The following EYS variants were observed in gnomAD, a reference collection of about 807,000 sequenced individuals.
The protein encoded by EYS is EGF-like photoreceptor maintenance factor.
A neutral mutation model predicts 282.1 loss-of-function variants in EYS; 250 were observed. The ratio of observed to expected loss-of-function variants is 0.89; its 90% CI spans 0.80 to 0.98. The LOEUF (loss-of-function observed/expected upper bound fraction) is 0.98. EYS is among the 50% of genes least tolerant of loss of function. The probability of loss-of-function intolerance (pLI) is 0.00; values close to 1 mark genes in which losing one functional copy is unlikely to be tolerated. For missense variants in EYS, 4,016 were observed against 3,709.0 expected (o/e 1.08, Z -2.15); for synonymous variants, 1,355 against 1,282.9 (o/e 1.06, Z -1.20).
chr6:65,086,947 T>C (rs1486534276), intron 12 of EYS, among the ~76,000 whole-genome samples: 1 of 151,884 alleles, frequency 6.6e-6, no homozygotes, highest in Non-Finnish European at 1.5e-5. Context: ...CTCAGCCCCC[T>C]GAGTAGCTGG....
At chr6:65,210,670 A>G (rs1766151973) in intron 12 of EYS, among the ~76,000 whole-genome samples, 1 of 151,968 alleles carries the variant, frequency 6.6e-6, no homozygotes, top group South Asian at 2.1e-4. Context: ...GGAAAACCAC[A>G]TGAAAGGAAT....
chr6:65,044,864 A>G (rs560971155), intron 13 of EYS, among the ~76,000 whole-genome samples: 2 of 151,924 alleles, frequency 1.3e-5, no homozygotes, highest in Non-Finnish European at 2.9e-5. Context: ...CTTTTCTGCC[A>G]TTCTGGGAGC....
chr6:65,130,591 GCT>G (rs1775841421), intron 12 of EYS, among the ~76,000 whole-genome samples: 1 of 151,754 alleles, frequency 6.6e-6, no homozygotes, highest in Non-Finnish European at 1.5e-5. Flanking sequence ...ATAAGTGGGA[GCT>G]AAATAATGAG....
intron 22 of EYS, among the ~76,000 whole-genome samples, chr6:64,670,667 A>G (rs1301247278): frequency 6.6e-6 from 1 of 152,060 alleles, no homozygotes; most frequent in African/African-American, 2.4e-5. Flanking sequence ...TTGTTTTAGG[A>G]ACTACCCTTC....
chr6:65,242,259 A>C (rs538940035), intron 12 of EYS, among the ~76,000 whole-genome samples: 1 of 152,150 alleles, frequency 6.6e-6, no homozygotes, highest in Admixed American at 6.5e-5. Context: ...TTTTTTAACC[A>C]GGAAAAGAAT....
intron 22 of EYS, among the ~76,000 whole-genome samples, chr6:64,745,568 C>T (rs542865678): frequency 6.6e-6 from 1 of 151,986 alleles, no homozygotes; most frequent in Non-Finnish European, 1.5e-5. Flanking sequence ...GTTACTTAAG[C>T]GACAATATTT....
At position 64,586,345 on chromosome 6, in the gene EYS, A is replaced by G. The variant is rs190761410; in HGVS notation, c.5644+3878T>C. Among the ~76,000 whole-genome samples the G allele has an allele frequency of 7.3e-4, 111 of 152,232 alleles. 3 individuals carry two copies. In the East Asian group the frequency reaches 0.019, roughly 26 times the overall value. ...TACCCATTCTGTGGTATTTTGTAAT[A>G]TCAGCACAAATAGACTAAGACACTT... On this transcript the variant is annotated intron_variant, in intron 26 of 42. Coordinates refer to ENST00000503581, the MANE Select transcript of EYS (RefSeq NM_001142800.2).
At chr6:64,603,573 T>C (rs1272360783) in intron 24 of EYS, among the ~76,000 whole-genome samples, 1 of 151,988 alleles carries the variant, frequency 6.6e-6, no homozygotes. Context: ...ATCAAAATCT[T>C]ATACAGCCTC....
At chr6:65,611,328 CA>C (rs1765991126) in intron 2 of EYS, among the ~76,000 whole-genome samples, 1 of 151,912 alleles carries the variant, frequency 6.6e-6, no homozygotes. Flanking sequence ...AGCATGCTTC[CA>C]ACCAGTTTTG....
At chr6:64,776,765 T>A (rs976531017) in intron 22 of EYS, among the ~76,000 whole-genome samples, 3 of 152,118 alleles carry the variant, frequency 2.0e-5, no homozygotes, top group Admixed American at 1.3e-4. Flanking sequence ...CCAGTTGGTA[T>A]CTTAGACTAA....
At chr6:64,169,975 A>G (rs546455941) in intron 31 of EYS, among the ~76,000 whole-genome samples, 5 of 152,322 alleles carry the variant, frequency 3.3e-5, no homozygotes, top group Non-Finnish European at 7.3e-5. Flanking sequence ...TAGGGAAACG[A>G]ATATAGACCG....
intron 31 of EYS, among the ~76,000 whole-genome samples, chr6:64,151,568 G>A (rs894225885): frequency 6.6e-6 from 1 of 151,140 alleles, no homozygotes; most frequent in African/African-American, 2.4e-5. Context: ...CACCATGTTG[G>A]CGAGGATGGT....
intron 11 of EYS, chr6:65,300,749 G>A (rs1353268116): frequency 1.3e-5 from 2 of 152,236 alleles, no homozygotes; most frequent in Non-Finnish European, 2.9e-5. Flanking sequence ...TTCTCTCAGA[G>A]TCTGTATTCT....
At chr6:63,955,377 C>A (rs1381380738) in intron 35 of EYS, among the ~76,000 whole-genome samples, 1 of 152,176 alleles carries the variant, frequency 6.6e-6, no homozygotes, top group Non-Finnish European at 1.5e-5. Flanking sequence ...ATAAGTCTCT[C>A]TTAAAGTGGA....
At chr6:63,727,385 C>T (rs1254914658) in intron 41 of EYS, among the ~76,000 whole-genome samples, 2 of 151,650 alleles carry the variant, frequency 1.3e-5, no homozygotes, top group Admixed American at 1.3e-4. Flanking sequence ...GCTAACGGCT[C>T]CTTTTACTTT....
intron 26 of EYS, among the ~76,000 whole-genome samples, chr6:64,461,912 T>G (rs554930637): frequency 1.3e-5 from 2 of 152,184 alleles, no homozygotes; most frequent in Admixed American, 1.3e-4. Context: ...TTGGAACTCA[T>G]ACTATTGAAT....
intron 30 of EYS, among the ~76,000 whole-genome samples, chr6:64,290,807 T>C (rs920019070): frequency 3.3e-5 from 5 of 151,552 alleles, no homozygotes; most frequent in African/African-American, 1.2e-4. Flanking sequence ...TGTTCTACGT[T>C]CTTACACAAG....
intron 13 of EYS, among the ~76,000 whole-genome samples, chr6:65,014,225 C>T (rs1018158249): frequency 1.3e-5 from 2 of 152,168 alleles, no homozygotes; most frequent in Non-Finnish European, 2.9e-5. Flanking sequence ...AGCCAGTGAG[C>T]TTGGAAGAGA....
intron 31 of EYS, among the ~76,000 whole-genome samples, chr6:64,182,527 A>G (rs1423570669): frequency 1.3e-5 from 2 of 152,066 alleles, no homozygotes; most frequent in African/African-American, 4.8e-5. Flanking sequence ...TTTCTACTGT[A>G]TCATTTTCAT....
Sources: gnomAD v4.1 joint callset for allele counts (sites outside exome capture counted in the v4.1 genomes callset) on GRCh38, gnomAD v4.1.1 for gene constraint, MANE v1.5 for transcripts, NCBI Gene and HGNC (gene_info 2026-07-23, HGNC 2026-07-21) for gene names.